The following NELL1 variants were observed in gnomAD, a reference collection of about 807,000 sequenced individuals.
NELL1 encodes the protein neural EGFL like 1, also known as protein kinase C-binding protein NELL1.
In NELL1, 76 loss-of-function variants were observed where a neutral mutation model predicts 107.4. That is an observed-to-expected ratio of 0.71 (90% CI 0.59 to 0.86). The LOEUF (loss-of-function observed/expected upper bound fraction) is 0.86, where lower values mean the gene tolerates loss of function less well. Among genes scored for constraint, NELL1 ranks in the 40% least tolerant of loss-of-function variants. The pLI is 0.00. For missense variants in NELL1, 1,024 were observed against 1,005.5 expected (o/e 1.02, Z -0.25); for synonymous variants, 353 against 341.2 (o/e 1.03, Z -0.38).
At chr11:21,361,025 C>CT (rs1208129199) in intron 14 of NELL1, among the ~76,000 whole-genome samples, 1 of 152,006 alleles carries the variant, frequency 6.6e-6, no homozygotes, top group Non-Finnish European at 1.5e-5. Flanking sequence ...ATACCTTGTT[C>CT]TTTTTCCCCC....
Position 20,809,997 on chromosome 11 carries a change from C to T in NELL1, c.335+26167C>T, listed in dbSNP as rs543930743. On this transcript the variant is annotated intron_variant, in intron 3 of 19. Coordinates refer to ENST00000357134, the MANE Select transcript of NELL1 (RefSeq NM_006157.5). ...TCCCACCAGTAGTGTGTGAGGATTC[C>T]TTTTTCTCCACATCCTTGCCAGCAC... is the stretch of plus-strand genomic sequence containing the variant. Among the ~76,000 whole-genome samples, 6 of 152,208 alleles carry T rather than the reference C, an allele frequency of 3.9e-5. No homozygotes were observed. The East Asian group carries it at 9.7e-4, about 24-fold the overall frequency.
At chr11:20,893,563 A>G (rs573878004) in intron 5 of NELL1, among the ~76,000 whole-genome samples, 143 of 152,042 alleles carry the variant, frequency 9.4e-4, no homozygotes, top group African/African-American at 3.3e-3. Context: ...TTAAAACAAT[A>G]TCAAAATAAT....
intron 16 of NELL1, among the ~76,000 whole-genome samples, chr11:21,555,050 A>G (rs1856673401): frequency 2.6e-5 from 4 of 151,990 alleles, no homozygotes; most frequent in Admixed American, 2.0e-4. Context: ...AGAGACAACT[A>G]TAAAGTCAAT....
rs201315058 is a variant in NELL1 at position 21,334,385 on chromosome 11, TA to T, written c.1550-36460del. On this transcript the variant is annotated intron_variant, in intron 14 of 19. Transcript: ENST00000357134. ...GTAAGTTTTAAAAATATTTTATATC[TA>T]AAAAAAATTAAGTCACAAAGCCCTT... 4.1e-3 allele frequency among the ~76,000 whole-genome samples: 618 copies of T among 151,854 alleles called. 5 individuals are homozygous for T. The highest frequency in any genetic ancestry group is 0.014 in the African/African-American group (587 of 41,468).
chr11:20,893,369 G>GTT lies in NELL1; in HGVS notation c.603+7839_603+7840dup, dbSNP rs34392122. Among the ~76,000 whole-genome samples, 143 of 144,548 alleles carry GTT rather than the reference G, an allele frequency of 9.9e-4. 1 individual carries two copies. Among genetic ancestry groups the GTT allele is most frequent in the Middle Eastern group, 7.1e-3 (2 of 280 alleles). 94.8% of individuals were successfully genotyped at this position (144,548 alleles called of 152,430 possible). ...TGCACACTCTGCACATGTATCCCGT[G>GTT]TTTTTTTTTTTAATAAATAAAAAAA... On this transcript the variant is annotated intron_variant, in intron 5 of 19. Coordinates refer to ENST00000357134, the MANE Select transcript of NELL1 (RefSeq NM_006157.5).
intron 12 of NELL1, among the ~76,000 whole-genome samples, chr11:21,062,718 C>G (rs1853771148): frequency 6.6e-6 from 1 of 152,186 alleles, no homozygotes; most frequent in South Asian, 2.1e-4. Flanking sequence ...TCTGGGGATT[C>G]TTATGGCCTT....
At chr11:20,981,467 A>G (rs892174403) in intron 12 of NELL1, among the ~76,000 whole-genome samples, 1 of 152,142 alleles carries the variant, frequency 6.6e-6, no homozygotes, top group Non-Finnish European at 1.5e-5. Flanking sequence ...TAAATTACAT[A>G]TAGGACAGTG....
intron 4 of NELL1, among the ~76,000 whole-genome samples, chr11:20,882,007 T>C (rs1013799682): frequency 2.0e-5 from 3 of 152,212 alleles, no homozygotes; most frequent in Non-Finnish European, 4.4e-5. Context: ...CTATATTAGC[T>C]GTGACTTTCA....
intron 3 of NELL1, among the ~76,000 whole-genome samples, chr11:20,797,439 G>C (rs111501804): frequency 0.034 from 5,104 of 151,842 alleles, 280 homozygotes; most frequent in African/African-American, 0.12. Flanking sequence ...GGTGGCGGGC[G>C]CCTGTAGTCC....
At chr11:20,801,418 AATT>A (rs1235083169) in intron 3 of NELL1, among the ~76,000 whole-genome samples, 1 of 152,148 alleles carries the variant, frequency 6.6e-6, no homozygotes, top group Admixed American at 6.6e-5. Flanking sequence ...TTTTAAATCA[AATT>A]ATTAGATTTT....
intron 14 of NELL1, among the ~76,000 whole-genome samples, chr11:21,274,041 C>T (rs532363084): frequency 6.6e-6 from 1 of 152,294 alleles, no homozygotes; most frequent in South Asian, 2.1e-4. Context: ...GGATCAAATT[C>T]ACACATAACG....
intron 4 of NELL1, among the ~76,000 whole-genome samples, chr11:20,848,095 G>A (rs1364857445): frequency 2.0e-5 from 3 of 152,182 alleles, no homozygotes; most frequent in Non-Finnish European, 4.4e-5. Flanking sequence ...TATTGTTGTT[G>A]AGTTCGTTCC....
At chr11:21,458,644 T>G (rs1215382355) in intron 15 of NELL1, among the ~76,000 whole-genome samples, 1 of 152,092 alleles carries the variant, frequency 6.6e-6, no homozygotes, top group Non-Finnish European at 1.5e-5. Flanking sequence ...GTAATCTAAA[T>G]GTTGAAAACT....
chr11:20,973,651 T>C lies in NELL1; in HGVS notation c.1300+13091T>C, dbSNP rs149811354. On this transcript the variant is annotated intron_variant, in intron 12 of 19. Coordinates refer to ENST00000357134, the MANE Select transcript of NELL1 (RefSeq NM_006157.5). ...TATCTTGTTAATTTCTTTCCAATTT[T>C]AAGTTGGAAAAAGCCACCTTGAAAT... Among the ~76,000 whole-genome samples the C allele has an allele frequency of 5.3e-3, 813 of 152,350 alleles. 7 individuals carry two copies. The highest frequency in any genetic ancestry group is 0.019 in the African/African-American group (775 of 41,592).
chr11:21,472,583 G>T (rs781609467), intron 15 of NELL1, among the ~76,000 whole-genome samples: 3 of 152,066 alleles, frequency 2.0e-5, no homozygotes, highest in Non-Finnish European at 4.4e-5. Context: ...TGCTGAGGGA[G>T]AAAGAAGGAT....
chr11:21,477,653 C>T lies in NELL1; in HGVS notation c.1646-56721C>T, dbSNP rs183887781. On this transcript the variant is annotated intron_variant, in intron 15 of 19. Coordinates refer to ENST00000357134, the MANE Select transcript of NELL1 (RefSeq NM_006157.5). ...AACTCTGCCCAAAAACAATGAACAT[C>T]CACAAGCATCAAGACTATCCAGGAA... is the stretch of plus-strand genomic sequence containing the variant. 1.4e-3 allele frequency among the ~76,000 whole-genome samples: 220 copies of T among 152,066 alleles called. 3 individuals carry two copies. The highest frequency in any genetic ancestry group is 3.9e-3 in the African/African-American group (160 of 41,510).
chr11:21,388,199 A>G (rs1851790702), intron 15 of NELL1, among the ~76,000 whole-genome samples: 1 of 151,726 alleles, frequency 6.6e-6, no homozygotes. Flanking sequence ...GAAAGATGAC[A>G]TTGTAATACC....
intron 12 of NELL1, among the ~76,000 whole-genome samples, chr11:20,970,812 A>G (rs1273851609): frequency 1.3e-5 from 2 of 152,058 alleles, no homozygotes; most frequent in South Asian, 2.1e-4. Flanking sequence ...GTGGGCCAGT[A>G]TATACACATA....
chr11:21,408,165 A>G (rs767361720), intron 15 of NELL1, among the ~76,000 whole-genome samples: 77 of 152,082 alleles, frequency 5.1e-4, no homozygotes, highest in Non-Finnish European at 8.7e-4. Context: ...TCCTCACTTA[A>G]CATGAAGTCA....
Sources: allele counts gnomAD v4.1 joint callset (sites outside exome capture counted in the v4.1 genomes callset), GRCh38; gene constraint gnomAD v4.1.1; transcripts MANE v1.5; gene names NCBI Gene and HGNC (gene_info 2026-07-23, HGNC 2026-07-21).